Variants in RELN observed in about 807,000 individuals in gnomAD.
RELN encodes reelin.
Under a neutral mutation model 427.6 loss-of-function variants are expected in RELN, and 108 were observed. The ratio of observed to expected loss-of-function variants is 0.25; its 90% CI spans 0.22 to 0.30. The LOEUF (loss-of-function observed/expected upper bound fraction) is 0.30, where lower values mean the gene tolerates loss of function less well. Among genes scored for constraint, RELN ranks in the 10% least tolerant of loss-of-function variants. RELN has a pLI of 1.00. For synonymous variants in RELN, 1,524 were observed against 1,513.4 expected (o/e 1.01, Z -0.16); for missense variants, 3,715 against 4,302.8 (o/e 0.86, Z 3.82).
chr7:103,797,116 G>C (rs754239808), intron 3 of RELN, among the ~76,000 whole-genome samples: 3 of 151,652 alleles, frequency 2.0e-5, no homozygotes, highest in African/African-American at 7.3e-5. Flanking sequence ...ACAGAGCGTC[G>C]CTCTTGTCAC....
Position 103,539,121 on chromosome 7 carries a change from C to T in RELN, c.7137G>A (p.Gln2379=). Residue 2379 remains glutamine (Q), a synonymous_variant, in exon 45 of 65, where the codon CAG becomes CAA. Coordinates refer to ENST00000428762, the MANE Select transcript of RELN (RefSeq NM_005045.4). The part of the protein sequence containing the change: ...DVAVNEDSFL[Q]IDFAASCSVT... ...CTGAGCAGGAGGCAGCGAAGTCTATCTGTAGGAAGGAATCCTCATTCACGG... is the reference window on the plus strand; with the variant it reads ...CTGAGCAGGAGGCAGCGAAGTCTATTTGTAGGAAGGAATCCTCATTCACGG... 1 of 1,614,192 alleles carries T rather than the reference C, an allele frequency of 6.2e-7. No individual in the cohort carries two copies. The highest frequency in any genetic ancestry group is 1.1e-5 in the South Asian group (1 of 91,082).
intron 64 of RELN, among the ~76,000 whole-genome samples, chr7:103,475,031 G>T (rs537040896): frequency 5.4e-4 from 82 of 152,106 alleles, no homozygotes; most frequent in African/African-American, 1.9e-3. Flanking sequence ...TTAAACAGAC[G>T]TTTCAAGTCC....
chr7:103,771,868 C>T (rs181765460), intron 4 of RELN, among the ~76,000 whole-genome samples: 9 of 152,290 alleles, frequency 5.9e-5, no homozygotes, highest in East Asian at 1.9e-4. Context: ...AATAATCTGT[C>T]TTCCCTTGTC....
At chr7:103,596,057 G>A (rs1831530006) in intron 25 of RELN, among the ~76,000 whole-genome samples, 1 of 152,142 alleles carries the variant, frequency 6.6e-6, no homozygotes, top group African/African-American at 2.4e-5. Context: ...GCAGCCATGT[G>A]AAACACTTTA....
intron 4 of RELN, among the ~76,000 whole-genome samples, chr7:103,758,881 A>C (rs1439927492): frequency 6.6e-6 from 1 of 151,834 alleles, no homozygotes; most frequent in African/African-American, 2.4e-5. Context: ...AAAGATTTAG[A>C]TCAGCAATGA....
At chr7:103,938,943 C>CT (rs142139940) in intron 1 of RELN, among the ~76,000 whole-genome samples, 135 of 146,476 alleles carry the variant, frequency 9.2e-4, no homozygotes, top group East Asian at 1.6e-3. Context: ...GTTTTATAAG[C>CT]TTTTTTTTTT....
At chr7:103,575,314 TAAAC>T (rs957871349) in intron 29 of RELN, among the ~76,000 whole-genome samples, 15 of 152,234 alleles carry the variant, frequency 9.9e-5, no homozygotes, top group African/African-American at 3.6e-4. Context: ...CTATGAATAA[TAAAC>T]AAATCCTCTT....
intron 1 of RELN, among the ~76,000 whole-genome samples, chr7:103,959,912 T>G (rs1219738030): frequency 6.6e-6 from 1 of 152,080 alleles, no homozygotes; most frequent in African/African-American, 2.4e-5. Flanking sequence ...GCCCCAAATC[T>G]TACCACATCT....
intron 2 of RELN, among the ~76,000 whole-genome samples, chr7:103,848,763 C>G (rs1793743618): frequency 6.6e-6 from 1 of 152,120 alleles, no homozygotes; most frequent in Non-Finnish European, 1.5e-5. Context: ...ATGGTACATG[C>G]CCATTACAGA....
chr7:103,963,158 TCTACTCA>T, intron 1 of RELN, among the ~76,000 whole-genome samples: 1 of 148,364 alleles, frequency 6.7e-6, no homozygotes, highest in African/African-American at 2.5e-5. Flanking sequence ...ATTGGCGCTT[TCTACTCA>T]TTTCTCTTCC....
At chr7:103,743,840 A>T (rs1217237431) in intron 6 of RELN, among the ~76,000 whole-genome samples, 2 of 152,188 alleles carry the variant, frequency 1.3e-5, no homozygotes, top group Admixed American at 1.3e-4. Context: ...CACTGTCAAC[A>T]TTAGACAGAT....
intron 2 of RELN, among the ~76,000 whole-genome samples, chr7:103,881,699 C>A (rs1247842553): frequency 6.6e-6 from 1 of 152,096 alleles, no homozygotes; most frequent in African/African-American, 2.4e-5. Context: ...ACCAGATTTG[C>A]AAGTGAAAAA....
At chr7:103,498,996 G>A (rs1167792438) in intron 53 of RELN, among the ~76,000 whole-genome samples, 1 of 152,144 alleles carries the variant, frequency 6.6e-6, no homozygotes, top group Non-Finnish European at 1.5e-5. Context: ...CCAATGGATT[G>A]TCCTGGTGTG....
At chr7:103,963,134 CT>C (rs61170235) in intron 1 of RELN, among the ~76,000 whole-genome samples, 6 of 139,300 alleles carry the variant, frequency 4.3e-5, no homozygotes, top group East Asian at 2.1e-4. Flanking sequence ...TTTTCGCCTT[CT>C]TTTTTTTTTC....
chr7:103,941,512 C>T, intron 1 of RELN, among the ~76,000 whole-genome samples: 1 of 151,980 alleles, frequency 6.6e-6, no homozygotes, highest in East Asian at 1.9e-4. Context: ...TATCTTCAAC[C>T]ATACCTAGTC....
In RELN at chr7:103,551,050, A is replaced by C. The variant is rs760252620; in HGVS notation, c.6302+17T>G. On this transcript the variant is annotated intron_variant, in intron 41 of 64. Coordinates refer to ENST00000428762, the MANE Select transcript of RELN (RefSeq NM_005045.4). ...TCAAAGGAGAAACAAATGTGGCGTC[A>C]AGCAGCGGGTCCTTACCCACAAAGG... 6.3e-7 allele frequency: 1 copy of C among 1,597,032 alleles called. No individual in the cohort carries two copies. The highest frequency in any genetic ancestry group is 1.1e-5 in the South Asian group (1 of 90,574).
intron 14 of RELN, 67 bp from the exon 15 acceptor site, chr7:103,651,856 T>C (rs916681117): frequency 1.1e-4 from 171 of 1,538,754 alleles, no homozygotes; most frequent in Non-Finnish European, 1.4e-4. Flanking sequence ...AAATGAAATT[T>C]TCAACTCTGG....
At chr7:103,480,917 G>C (rs183532034) in intron 63 of RELN, among the ~76,000 whole-genome samples, 1 of 152,176 alleles carries the variant, frequency 6.6e-6, no homozygotes, top group Non-Finnish European at 1.5e-5. Context: ...TAAGAGCCTG[G>C]TATATGACAA....
chr7:103,845,474 C>T (rs39387), intron 2 of RELN, among the ~76,000 whole-genome samples: 79,634 of 152,076 alleles, frequency 0.52, 21,130 homozygotes, highest in Non-Finnish European at 0.58. Context: ...AGCCAAGGCA[C>T]CCGACCCACT....
Sources: gnomAD v4.1 joint callset for allele counts (sites outside exome capture counted in the v4.1 genomes callset) on GRCh38, gnomAD v4.1.1 for gene constraint, MANE v1.5 for transcripts, NCBI Gene and HGNC (gene_info 2026-07-23, HGNC 2026-07-21) for gene names.